The following CYP4A11 variants were observed in gnomAD, a reference collection of about 807,000 sequenced individuals.
CYP4A11 encodes the protein cytochrome P450 4A11.
In CYP4A11, 52 loss-of-function variants were observed where a neutral mutation model predicts 57.7. The observed-to-expected ratio is 0.90, with a 90% CI of 0.72 to 1.14. CYP4A11 has a LOEUF of 1.14. Ranked by LOEUF, CYP4A11 falls within the 50% of genes most tolerant of loss-of-function variation. The pLI, the probability that CYP4A11 is intolerant of heterozygous loss-of-function variation, is 0.00. For missense variants in CYP4A11, 641 were observed against 642.1 expected, an observed-to-expected ratio of 1.00 and a Z score of 0.02; for synonymous variants, 228 against 247.1, an observed-to-expected ratio of 0.92 and a Z score of 0.72.
chr1:46,941,444 C>T lies in CYP4A11; in HGVS notation c.-11G>A, dbSNP rs919704953. The T allele has an allele frequency of 3.1e-6, 5 of 1,611,608 alleles. No individual in the cohort carries two copies. Among genetic ancestry groups the T allele is most frequent in the African/African-American group, 2.7e-5 (2 of 74,890 alleles). On this transcript the variant is annotated 5_prime_UTR_variant, in exon 1 of 12. Coordinates refer to ENST00000310638, the MANE Select transcript of CYP4A11 (RefSeq NM_000778.4). ...CACAGAGACACTCATGGTGCAGCAC[C>T]TGCTGGATCTCTGAGTGCCCCTACC...
intron 3 of CYP4A11, 41 bp downstream of exon 3, chr1:46,937,261 C>A (rs764992454): frequency 6.2e-7 from 1 of 1,605,234 alleles, no homozygotes; most frequent in East Asian, 2.2e-5. Context: ...TAACTCAAAC[C>A]TGACTAGGGA....
chr1:46,940,812 A>G, intron 1 of CYP4A11: 1 of 985,324 alleles, frequency 1.0e-6, no homozygotes, highest in Non-Finnish European at 1.2e-6. Flanking sequence ...TAAACTCCTC[A>G]TGGCATGGAT....
chr1:46,932,039 A>G (rs1015730136), intron 11 of CYP4A11: 3 of 983,984 alleles, frequency 3.0e-6, no homozygotes, highest in Admixed American at 6.1e-5. Flanking sequence ...TTTTTGGCCA[A>G]TATTGTGCTA....
intron 5 of CYP4A11, 23 bp downstream of exon 5, chr1:46,935,500 G>A (rs1681328368): frequency 6.3e-7 from 1 of 1,596,374 alleles, no homozygotes; most frequent in East Asian, 2.2e-5. Flanking sequence ...CAAGGGCCCT[G>A]CAGCTGGAGG....
chr1:46,936,316 C>T, intron 4 of CYP4A11, among the ~76,000 whole-genome samples: 1 of 152,236 alleles, frequency 6.6e-6, no homozygotes, highest in Non-Finnish European at 1.5e-5. Flanking sequence ...GCCACTGAAG[C>T]TGCCATTGCC....
rs774827023 is a variant in CYP4A11 at position 46,933,000 on chromosome 1, C to G, written c.1270G>C (p.Val424Leu). The G allele has an allele frequency of 3.1e-6, 5 of 1,614,172 alleles. No individual in the cohort carries two copies. In the South Asian group the frequency reaches 3.3e-5, roughly 11 times the overall value. Residue 424 changes from valine to leucine, a missense_variant, in exon 10 of 12, where the codon GTG becomes CTG. Transcript: ENST00000310638. ...CCACATACCTCTGGGTTGGGCCACA[C>G]TTTTGGGTTGTGGTGAAGGCCATAA... ...SIYGLHHNPK[V>L]WPNPEVFDPF...
intron 1 of CYP4A11, among the ~76,000 whole-genome samples, chr1:46,938,745 T>G (rs1332044242): frequency 6.6e-6 from 1 of 152,216 alleles, no homozygotes; most frequent in Non-Finnish European, 1.5e-5. Flanking sequence ...AATTTTGAGA[T>G]TTGGGTTTCT....
chr1:46,935,369 A>G (rs1681318065), intron 5 of CYP4A11, among the ~76,000 whole-genome samples, 154 bp downstream of exon 5: 1 of 152,140 alleles, frequency 6.6e-6, no homozygotes, highest in Non-Finnish European at 1.5e-5. Context: ...TGTTCCTGAG[A>G]CTTTGTTTGG....
rs1557564122 is a variant in CYP4A11 at position 46,941,427 on chromosome 1, C to T, written c.7G>A (p.Val3Ile). 6.2e-7 allele frequency: 1 copy of T among 1,613,910 alleles called. No homozygotes were observed. The highest frequency in any genetic ancestry group is 8.5e-7 in the Non-Finnish European group (1 of 1,179,866). Reference protein sequence around the residue: MSVSVLSPSRLLG... With the variant: MSISVLSPSRLLG... ...AGTCTGCTGGGGCTCAGCACAGAGA[C>T]ACTCATGGTGCAGCACCTGCTGGAT... The change falls in exon 1 of 12, where the codon GTC becomes ATC. Residue 3 changes from valine (V) to isoleucine (I), a missense_variant. Physicochemically the swap from Val to Ile is conservative, Grantham distance 29 (BLOSUM62 3). Coordinates refer to ENST00000310638, the MANE Select transcript of CYP4A11 (RefSeq NM_000778.4).
rs758392577 is a variant in CYP4A11, at chr1:46,930,198, G to T, written c.1477C>A (p.Arg493=). The T allele has an allele frequency of 1.2e-6, 2 of 1,613,986 alleles. No individual in the cohort carries two copies. Among genetic ancestry groups the T allele is most frequent in the East Asian group, 4.5e-5 (2 of 44,890 alleles). ...CCATTTTTGGATTTCAACACAAGTC[G>T]TGCAATGGGGATGGGGATCCTGGTG... ...DPTRIPIPIA[R]LVLKSKNGIH... Residue 493 remains arginine, a synonymous_variant, in exon 12 of 12, where the codon CGA becomes AGA. Transcript: ENST00000310638.
chr1:46,930,559 C>T (rs1167992677), intron 11 of CYP4A11, among the ~76,000 whole-genome samples: 1 of 152,220 alleles, frequency 6.6e-6, no homozygotes, highest in African/African-American at 2.4e-5. Flanking sequence ...TCTCAGCAGC[C>T]TGAAACCCTC....
At chr1:46,931,627 C>T in intron 11 of CYP4A11, 2 of 681,704 alleles carry the variant, frequency 2.9e-6, no homozygotes, top group Non-Finnish European at 3.6e-6. Context: ...CTCTCCAGTT[C>T]TCTAGTGGCA....
rs138925154 is a variant in CYP4A11, at chr1:46,932,827, G to C, written c.1298C>G (p.Pro433Arg). 6 of 1,614,022 alleles carry C rather than the reference G, an allele frequency of 3.7e-6. No homozygotes were observed. Among genetic ancestry groups the C allele is most frequent in the Non-Finnish European group, 5.1e-6 (6 of 1,180,006 alleles). Residue 433 changes from proline to arginine, a missense_variant, in exon 11 of 12, where the codon CCT (proline) becomes CGT (arginine). By Grantham distance (103) the Pro-to-Arg change is moderately radical. Transcript: ENST00000310638. ...KVWPNPEVFD[P>R]FRFAPGSAQH... Reference sequence around the variant, plus strand: ...AGCAGAACCCGGTGCAAAACGGAAAGGGTCAAACACCTGCAGAGAGAGCAC... The same window carrying C: ...AGCAGAACCCGGTGCAAAACGGAAACGGTCAAACACCTGCAGAGAGAGCAC...
intron 11 of CYP4A11, among the ~76,000 whole-genome samples, chr1:46,930,829 G>T (rs9333027): frequency 6.6e-6 from 1 of 151,896 alleles, no homozygotes; most frequent in Non-Finnish European, 1.5e-5. Context: ...TCCTGGAGGA[G>T]AACTGGGTGG....
In CYP4A11 at chr1:46,933,967, C is replaced by G. The variant is rs1479057076; in HGVS notation, c.1201G>C (p.Asp401His). The change falls in exon 9 of 12, where the codon GAT becomes CAT. Residue 401 changes from aspartate to histidine, a missense_variant. Physicochemically the swap from Asp to His is moderately conservative, Grantham distance 81 (BLOSUM62 -1). Coordinates refer to ENST00000310638, the MANE Select transcript of CYP4A11 (RefSeq NM_000778.4). ...ATACCTTTGGGCAAGGAGCGCCCAT[C>G]AGGGAAGGTGACGGGAGTGCTGAGC... is the stretch of plus-strand genomic sequence containing the variant. ...RELSTPVTFP[D>H]GRSLPKGIMV... 6.2e-7 allele frequency: 1 copy of G among 1,614,010 alleles called. No homozygotes were observed. The highest frequency in any genetic ancestry group is 1.3e-5 in the African/African-American group (1 of 74,910).
chr1:46,931,668 G>A, intron 11 of CYP4A11: 1 of 677,544 alleles, frequency 1.5e-6, no homozygotes, highest in Non-Finnish European at 1.8e-6. Context: ...TGTTTAGGAG[G>A]ACTTTCTCAT....
At chr1:46,933,554 T>C (rs1681168578) in intron 9 of CYP4A11, among the ~76,000 whole-genome samples, 2 of 152,172 alleles carry the variant, frequency 1.3e-5, no homozygotes, top group African/African-American at 4.8e-5. Context: ...GCCATCAACC[T>C]GAGGGTTCCT....
At position 46,930,191 on chromosome 1, in the gene CYP4A11, A is replaced by C. The variant is rs562189386; in HGVS notation, c.1484T>G (p.Val495Gly). 2.3e-5 allele frequency: 37 copies of C among 1,614,138 alleles called. 1 individual carries two copies. The South Asian group carries it at 3.6e-4, about 16-fold the overall frequency. ...TRIPIPIARL[V>G]LKSKNGIHLR... ...GTGGATTCCATTTTTGGATTTCAAC[A>C]CAAGTCGTGCAATGGGGATGGGGAT... The change falls in exon 12 of 12, where the codon GTG becomes GGG. Residue 495 changes from valine to glycine, a missense_variant. By Grantham distance (109) the Val-to-Gly change is moderately radical. Transcript: ENST00000310638.
At position 46,931,919 on chromosome 1, in the gene CYP4A11, A is replaced by G. The variant is rs1681053016; in HGVS notation, c.1364+842T>C. Reference sequence around the variant, plus strand: ...AGTTTTCCTCTCCAGCTCAAAAGCAATTTCAAGTGTGTTTTATATTTCACA... The same window carrying G: ...AGTTTTCCTCTCCAGCTCAAAAGCAGTTTCAAGTGTGTTTTATATTTCACA... On this transcript the variant is annotated intron_variant, in intron 11 of 11. Coordinates refer to ENST00000310638, the MANE Select transcript of CYP4A11 (RefSeq NM_000778.4). 6 of 983,954 alleles carry G rather than the reference A, an allele frequency of 6.1e-6. No individual in the cohort carries two copies. The African/African-American group carries it at 7.0e-5, about 11-fold the overall frequency. The allele number at this position is 983,954 out of a possible 1,614,324, so 61.0% of individuals were successfully genotyped here. A position where few individuals can be genotyped will look rare whatever the true frequency, so the allele number is the denominator to read the frequency against.
Sources: allele counts gnomAD v4.1 joint callset (sites outside exome capture counted in the v4.1 genomes callset), GRCh38; gene constraint gnomAD v4.1.1; transcripts MANE v1.5; gene names NCBI Gene and HGNC (gene_info 2026-07-23, HGNC 2026-07-21).